Variants in EYS observed in about 807,000 individuals in gnomAD.
EYS encodes protein eyes shut homolog.
A neutral mutation model predicts 282.1 loss-of-function variants in EYS; 250 were observed. The observed-to-expected ratio is 0.89, with a 90% confidence interval of 0.80 to 0.98. The LOEUF is 0.98. EYS is among the 50% of genes least tolerant of loss of function. The pLI, the probability that EYS is intolerant of heterozygous loss-of-function variation, is 0.00. For missense variants in EYS, 4,016 were observed against 3,709.0 expected (o/e 1.08, Z -2.15); for synonymous variants, 1,355 against 1,282.9 (o/e 1.06, Z -1.20).
chr6:63,780,271 G>C (rs551619759), intron 39 of EYS, among the ~76,000 whole-genome samples: 2 of 152,310 alleles, frequency 1.3e-5, no homozygotes, highest in East Asian at 3.9e-4. Flanking sequence ...CCAGTAATGG[G>C]ATCGCTGGGT....
intron 35 of EYS, among the ~76,000 whole-genome samples, chr6:63,957,065 A>AGTACATCTGAACTCATAGCCAATAGT (rs1765857607): frequency 6.6e-6 from 1 of 152,168 alleles, no homozygotes; most frequent in Non-Finnish European, 1.5e-5. Context: ...TATATTGATG[A>AGTACATCTGAACTCATAGCCAATAGT]TCAATTAACA....
intron 1 of EYS, among the ~76,000 whole-genome samples, chr6:65,669,774 AGTT>A (rs1768322807): frequency 6.6e-6 from 1 of 151,966 alleles, no homozygotes; most frequent in South Asian, 2.1e-4. Context: ...TGTCAAATAG[AGTT>A]ATTAACACCC....
chr6:65,189,983 CAGCATGT>C (rs1284136181), intron 12 of EYS, among the ~76,000 whole-genome samples: 56 of 151,662 alleles, frequency 3.7e-4, no homozygotes, highest in African/African-American at 1.3e-3. Flanking sequence ...GGGCCAGAGA[CAGCATGT>C]AGGTCATGCT....
At chr6:64,990,005 C>T (rs942350218) in intron 14 of EYS, among the ~76,000 whole-genome samples, 9 of 151,320 alleles carry the variant, frequency 5.9e-5, no homozygotes, top group Admixed American at 1.3e-4. Context: ...AATGTACAGG[C>T]ATACTTGCAC....
At chr6:64,249,456 T>A (rs1420149160) in intron 30 of EYS, among the ~76,000 whole-genome samples, 1 of 152,182 alleles carries the variant, frequency 6.6e-6, no homozygotes, top group Non-Finnish European at 1.5e-5. Context: ...GTGATGGATA[T>A]TCCAAAAGCC....
At chr6:64,042,751 C>G (rs1770446988) in intron 33 of EYS, among the ~76,000 whole-genome samples, 1 of 152,192 alleles carries the variant, frequency 6.6e-6, no homozygotes, top group East Asian at 1.9e-4. Flanking sequence ...TTAAGATACT[C>G]TTCCTGATCC....
chr6:65,389,168 G>A (rs1765911180), intron 7 of EYS, among the ~76,000 whole-genome samples: 1 of 152,058 alleles, frequency 6.6e-6, no homozygotes, highest in Admixed American at 6.6e-5. Flanking sequence ...ACCAAATAAA[G>A]TAACTCATTT....
chr6:64,122,851 G>A (rs1773635243), intron 31 of EYS, among the ~76,000 whole-genome samples: 1 of 151,908 alleles, frequency 6.6e-6, no homozygotes, highest in Non-Finnish European at 1.5e-5. Context: ...GATGCAAAAA[G>A]TAATTTAGAA....
chr6:64,349,266 A>G (rs934369076), intron 29 of EYS, among the ~76,000 whole-genome samples: 2 of 151,270 alleles, frequency 1.3e-5, no homozygotes, highest in Admixed American at 6.6e-5. Flanking sequence ...TTGTTTAATT[A>G]CATATAAATT....
chr6:63,806,208 T>C lies in EYS; in HGVS notation c.7393A>G (p.Thr2465Ala), dbSNP rs1770904581. ...ATCTTACCATGGCCTTTCTGTCCAG[T>C]AAAAAATATCAAGTTATTTTGCAGT... ...SALQNNLIFF[T>A]GQKGHGLNGD... The change falls in exon 37 of 43, where the codon ACT (threonine) becomes GCT (alanine). Residue 2465 changes from threonine to alanine, a missense_variant. Physicochemically the swap from Thr to Ala is moderately conservative, Grantham distance 58 (BLOSUM62 0). Coordinates refer to ENST00000503581, the MANE Select transcript of EYS (RefSeq NM_001142800.2). 1.9e-6 allele frequency: 3 copies of C among 1,551,342 alleles called. No individual in the cohort carries two copies. In the South Asian group the frequency reaches 3.6e-5, roughly 18 times the overall value.
Position 64,591,232 on chromosome 6 carries a change from A to T in EYS, c.4635T>A (p.Ala1545=), listed in dbSNP as rs1766399245. ...NQRLTNIKSQ[A]ADSLRELSQT... is the part of the protein sequence containing the mutation. ...GGCTTAATTCTCTTAAAGAATCAGC[A>T]GCCTGTGATTTGATGTTTGTGAGTC... is the stretch of plus-strand genomic sequence containing the variant. Residue 1545 remains alanine, a synonymous_variant, in exon 26 of 43, where the codon GCT becomes GCA. Coordinates refer to ENST00000503581, the MANE Select transcript of EYS (RefSeq NM_001142800.2). The T allele has an allele frequency of 6.4e-7, 1 of 1,551,456 alleles. No homozygotes were observed. The highest frequency in any genetic ancestry group is 8.7e-7 in the Non-Finnish European group (1 of 1,146,844).
intron 8 of EYS, among the ~76,000 whole-genome samples, chr6:65,369,655 G>A (rs759029065): frequency 1.2e-4 from 18 of 151,278 alleles, no homozygotes; most frequent in Non-Finnish European, 1.9e-4. Flanking sequence ...CAACCACAAC[G>A]ATATTGGCAT....
At chr6:65,047,275 C>T (rs539033123) in intron 13 of EYS, among the ~76,000 whole-genome samples, 1 of 151,916 alleles carries the variant, frequency 6.6e-6, no homozygotes, top group South Asian at 2.1e-4. Context: ...CAAATTTCTA[C>T]CAGTAAAACC....
chr6:65,239,253 C>T (rs1766999284), intron 12 of EYS, among the ~76,000 whole-genome samples: 2 of 151,964 alleles, frequency 1.3e-5, no homozygotes, highest in Middle Eastern at 6.8e-3. Context: ...TAACAATTAC[C>T]ACAATTTTTA....
At chr6:65,370,072 T>G (rs1482541129) in intron 8 of EYS, among the ~76,000 whole-genome samples, 1 of 151,662 alleles carries the variant, frequency 6.6e-6, no homozygotes, top group East Asian at 1.9e-4. Flanking sequence ...TCACAGTATT[T>G]CTGTTTAATT....
intron 36 of EYS, among the ~76,000 whole-genome samples, chr6:63,859,641 G>GAA (rs199714551): frequency 1.3e-4 from 12 of 94,266 alleles, no homozygotes; most frequent in African/African-American, 3.1e-4. Context: ...ACTGCCACCA[G>GAA]AAAAAAAAAA....
At chr6:64,088,906 T>C (rs1489830534) in intron 31 of EYS, among the ~76,000 whole-genome samples, 1 of 152,010 alleles carries the variant, frequency 6.6e-6, no homozygotes, top group Non-Finnish European at 1.5e-5. Context: ...GACACACTAA[T>C]ACACATAAAG....
At chr6:65,183,518 A>C (rs896766210) in intron 12 of EYS, among the ~76,000 whole-genome samples, 1 of 151,880 alleles carries the variant, frequency 6.6e-6, no homozygotes, top group African/African-American at 2.4e-5. Context: ...TATAGTACTA[A>C]AAAGTTTATT....
chr6:64,791,452 G>A (rs74949123), intron 22 of EYS, among the ~76,000 whole-genome samples: 3,172 of 151,812 alleles, frequency 0.021, 109 homozygotes, highest in African/African-American at 0.072. Context: ...ATTGGGAAAA[G>A]TAAACTCAAA....
Sources: allele counts gnomAD v4.1 joint callset (sites outside exome capture counted in the v4.1 genomes callset), GRCh38; gene constraint gnomAD v4.1.1; transcripts MANE v1.5; gene names NCBI Gene and HGNC (gene_info 2026-07-23, HGNC 2026-07-21).